Variants in OIT3 observed in about 807,000 individuals in gnomAD.
OIT3 encodes the protein oncoprotein-induced transcript 3 protein.
Under a neutral mutation model 52.2 loss-of-function variants are expected in OIT3, and 41 were observed. That is an observed-to-expected ratio of 0.79 (90% CI 0.61 to 1.02). The LOEUF (loss-of-function observed/expected upper bound fraction) is 1.02. Ranked by LOEUF, OIT3 falls within the 50% of genes least tolerant of loss-of-function variation. The probability of loss-of-function intolerance (pLI) is 0.00; values close to 1 mark genes in which losing one functional copy is unlikely to be tolerated. For missense variants in OIT3, 634 were observed against 715.5 expected (o/e 0.89, Z 1.30); for synonymous variants, 244 against 276.9 (o/e 0.88, Z 1.18).
intron 6 of OIT3, among the ~76,000 whole-genome samples, chr10:72,922,377 C>CT (rs1016894604): frequency 1.3e-5 from 2 of 151,974 alleles, no homozygotes; most frequent in African/African-American, 2.4e-5. Context: ...TTGTTCATTC[C>CT]TTTTTATTCC....
chr10:72,915,788 T>A (rs1232113077), intron 6 of OIT3, among the ~76,000 whole-genome samples: 1 of 152,176 alleles, frequency 6.6e-6, no homozygotes, highest in Non-Finnish European at 1.5e-5. Flanking sequence ...TGGTTTACAA[T>A]GAGAGCTAAA....
intron 6 of OIT3, chr10:72,917,919 G>A: frequency 8.9e-7 from 1 of 1,127,660 alleles, no homozygotes; most frequent in Non-Finnish European, 1.3e-6. Flanking sequence ...TACATTTTTG[G>A]CTGGAGTATC....
At chr10:72,918,029 A>C (rs144446250) in intron 6 of OIT3, 5 of 703,402 alleles carry the variant, frequency 7.1e-6, no homozygotes, top group African/African-American at 5.4e-5. Flanking sequence ...CTTCATCGTC[A>C]TCATCATCAT....
At chr10:72,922,663 A>G (rs1846131524) in intron 6 of OIT3, among the ~76,000 whole-genome samples, 1 of 152,032 alleles carries the variant, frequency 6.6e-6, no homozygotes, top group Non-Finnish European at 1.5e-5. Flanking sequence ...TTTTATCCAC[A>G]TTCTGAGATC....
At chr10:72,930,710 G>A (rs1846209582) in intron 8 of OIT3, 73 bp downstream of exon 8, 2 of 921,062 alleles carry the variant, frequency 2.2e-6, no homozygotes, top group Admixed American at 2.3e-5. Context: ...GTCCCAGTGT[G>A]TTGACATTCC....
At chr10:72,930,716 A>G (rs1196600250) in intron 8 of OIT3, 79 bp downstream of exon 8, 6 of 867,724 alleles carry the variant, frequency 6.9e-6, no homozygotes, top group Non-Finnish European at 1.1e-5. Flanking sequence ...GTGTGTTGAC[A>G]TTCCAAGAGC....
intron 1 of OIT3, 57 bp from the exon 2 acceptor site, chr10:72,898,607 G>A (rs1845897594): frequency 6.6e-7 from 1 of 1,510,902 alleles, no homozygotes. Flanking sequence ...GACTTGGGCT[G>A]TTGGTGGTGT....
Position 72,918,141 on chromosome 10 carries a change from T to A in OIT3, c.951+4673T>A, listed in dbSNP as rs1223997308. 2.4e-5 allele frequency: 33 copies of A among 1,374,890 alleles called. 1 individual carries two copies. The South Asian group carries it at 3.7e-4, about 15-fold the overall frequency. 85.2% of individuals were successfully genotyped at this position (1,374,890 alleles called of 1,614,324 possible). A position where few individuals can be genotyped will look rare whatever the true frequency, so the allele number is the denominator to read the frequency against. On this transcript the variant is annotated intron_variant, in intron 6 of 8. Transcript: ENST00000334011. Reference sequence around the variant, plus strand: ...TCCAGTTATACTTAAGAGTTTCACATCCTCCTCCTCTTCACCTTCTGACTC... The same window carrying A: ...TCCAGTTATACTTAAGAGTTTCACAACCTCCTCCTCTTCACCTTCTGACTC...
intron 7 of OIT3, among the ~76,000 whole-genome samples, chr10:72,928,012 T>A (rs1161586849): frequency 6.6e-6 from 1 of 152,206 alleles, no homozygotes; most frequent in Non-Finnish European, 1.5e-5. Flanking sequence ...TAATCATAAT[T>A]TGGGGCTAGT....
chr10:72,907,167 G>A (rs1845987968), intron 4 of OIT3, among the ~76,000 whole-genome samples: 1 of 152,076 alleles, frequency 6.6e-6, no homozygotes, highest in Non-Finnish European at 1.5e-5. Flanking sequence ...CAGCCACTCA[G>A]AAGGCTGAGG....
At chr10:72,915,231 A>G (rs1846063069) in intron 6 of OIT3, among the ~76,000 whole-genome samples, 1 of 152,130 alleles carries the variant, frequency 6.6e-6, no homozygotes, top group Non-Finnish European at 1.5e-5. Flanking sequence ...GCGGTATAAT[A>G]CCAATAGTTA....
intron 7 of OIT3, among the ~76,000 whole-genome samples, chr10:72,926,909 A>C (rs1365306420): frequency 6.6e-6 from 1 of 152,184 alleles, no homozygotes; most frequent in Non-Finnish European, 1.5e-5. Flanking sequence ...TAAAGCATGT[A>C]GTTTGACAAG....
intron 6 of OIT3, among the ~76,000 whole-genome samples, chr10:72,916,244 G>T (rs1036545594): frequency 1.3e-5 from 2 of 152,072 alleles, no homozygotes; most frequent in Admixed American, 1.3e-4. Context: ...TGTCATGGGG[G>T]TTGGTTATAC....
chr10:72,927,615 G>A (rs184942683), intron 7 of OIT3, among the ~76,000 whole-genome samples: 108 of 152,284 alleles, frequency 7.1e-4, no homozygotes, highest in African/African-American at 2.6e-3. Context: ...CCCGTCTGTG[G>A]TGCTGTACAA....
chr10:72,915,939 C>G (rs896930956), intron 6 of OIT3, among the ~76,000 whole-genome samples: 2 of 152,042 alleles, frequency 1.3e-5, no homozygotes, highest in African/African-American at 4.8e-5. Context: ...TCACACATAC[C>G]AAATCCATGA....
intron 2 of OIT3, 43 bp downstream of exon 2, chr10:72,899,081 A>T (rs1414637203): frequency 6.5e-7 from 1 of 1,548,980 alleles, no homozygotes; most frequent in Non-Finnish European, 8.7e-7. Flanking sequence ...CAACAAGGCC[A>T]CAGGTGGAGT....
intron 6 of OIT3, among the ~76,000 whole-genome samples, chr10:72,917,301 A>G: frequency 6.7e-6 from 1 of 150,244 alleles, no homozygotes; most frequent in Non-Finnish European, 1.5e-5. Flanking sequence ...TGGGTTTTAC[A>G]TTTAAGGTTT....
At chr10:72,911,256 G>T (rs1488168980) in intron 4 of OIT3, among the ~76,000 whole-genome samples, 1 of 152,152 alleles carries the variant, frequency 6.6e-6, no homozygotes, top group East Asian at 1.9e-4. Context: ...TTTGAGGAGA[G>T]GGCCAGGTGA....
At chr10:72,898,049 G>A (rs563517691) in intron 1 of OIT3, among the ~76,000 whole-genome samples, 214 of 151,828 alleles carry the variant, frequency 1.4e-3, no homozygotes, top group Non-Finnish European at 2.6e-3. Context: ...TTGGGAGGCT[G>A]AGGCAGGAGG....
Sources: gnomAD v4.1 joint callset for allele counts (sites outside exome capture counted in the v4.1 genomes callset) on GRCh38, gnomAD v4.1.1 for gene constraint, MANE v1.5 for transcripts, NCBI Gene and HGNC (gene_info 2026-07-23, HGNC 2026-07-21) for gene names.